SDCCAG8: variants seen among roughly 807,000 people sequenced by gnomAD.
SDCCAG8 encodes SHH signaling and ciliogenesis regulator SDCCAG8, also known as serologically defined colon cancer antigen 8.
SDCCAG8 carries 74 observed loss-of-function variants against 101.8 expected under a neutral mutation model. The observed-to-expected ratio is 0.73, with a 90% confidence interval of 0.60 to 0.88. SDCCAG8 has a LOEUF of 0.88. Ranked by LOEUF, SDCCAG8 falls within the 40% of genes least tolerant of loss-of-function variation. The pLI, the probability that SDCCAG8 is intolerant of heterozygous loss-of-function variation, is 0.00. For synonymous variants in SDCCAG8, 281 were observed against 292.9 expected (o/e 0.96, Z 0.41); for missense variants, 787 against 822.6 (o/e 0.96, Z 0.53).
chr1:243,342,372 C>T (rs1314001628), intron 11 of SDCCAG8, among the ~76,000 whole-genome samples: 1 of 152,168 alleles, frequency 6.6e-6, no homozygotes, highest in Non-Finnish European at 1.5e-5. Context: ...GTGGAGATAA[C>T]ATAGTTCTGG....
intron 16 of SDCCAG8, among the ~76,000 whole-genome samples, chr1:243,488,760 C>T (rs1212814383): frequency 1.3e-5 from 2 of 152,162 alleles, no homozygotes; most frequent in South Asian, 2.1e-4. Context: ...TCTACTTACC[C>T]CACTTATCTG....
At chr1:243,326,478 AAAT>A (rs1296357423) in intron 9 of SDCCAG8, among the ~76,000 whole-genome samples, 2 of 152,234 alleles carry the variant, frequency 1.3e-5, no homozygotes, top group Non-Finnish European at 2.9e-5. Flanking sequence ...CAAGGATAGA[AAAT>A]AACGCTTCTT....
chr1:243,385,179 C>T lies in SDCCAG8; in HGVS notation c.1616+6316C>T, dbSNP rs116055387. On this transcript the variant is annotated intron_variant, in intron 13 of 17. Coordinates refer to ENST00000366541, the MANE Select transcript of SDCCAG8 (RefSeq NM_006642.5). ...TGAGGCGGGCAGGTCACTTGAGCCCCAGGAGTTTGAGACCAGCCTGGGCAA... is the reference window on the plus strand; with the variant it reads ...TGAGGCGGGCAGGTCACTTGAGCCCTAGGAGTTTGAGACCAGCCTGGGCAA... Among the ~76,000 whole-genome samples, 825 of 151,966 alleles carry T rather than the reference C, an allele frequency of 5.4e-3. 13 individuals are homozygous for T. Among genetic ancestry groups the T allele is most frequent in the African/African-American group, 0.018 (754 of 41,432 alleles).
intron 15 of SDCCAG8, among the ~76,000 whole-genome samples, chr1:243,422,145 T>C (rs1328209030): frequency 6.6e-6 from 1 of 152,192 alleles, no homozygotes; most frequent in Admixed American, 6.5e-5. Context: ...TTTGCTTCTT[T>C]CTTTTCTGTC....
chr1:243,377,923 T>G (rs1408872059), intron 12 of SDCCAG8, among the ~76,000 whole-genome samples: 1 of 151,008 alleles, frequency 6.6e-6, no homozygotes, highest in African/African-American at 2.4e-5. Context: ...TATTGATAAA[T>G]AAATATTTCT....
At chr1:243,324,581 C>T (rs1037298728) in intron 9 of SDCCAG8, among the ~76,000 whole-genome samples, 2 of 151,670 alleles carry the variant, frequency 1.3e-5, no homozygotes, top group Non-Finnish European at 2.9e-5. Flanking sequence ...TCCTTAGCCC[C>T]GCAAAGTGCT....
chr1:243,389,149 C>T (rs1279284038), intron 13 of SDCCAG8, among the ~76,000 whole-genome samples: 1 of 144,818 alleles, frequency 6.9e-6, no homozygotes, highest in South Asian at 2.3e-4. Flanking sequence ...TCTGTCCCCC[C>T]TCCCCCCCCC....
At chr1:243,406,102 T>G (rs1489597503) in intron 13 of SDCCAG8, among the ~76,000 whole-genome samples, 1 of 152,198 alleles carries the variant, frequency 6.6e-6, no homozygotes. Flanking sequence ...TCAAGTGATA[T>G]TTTTCAGAGA....
chr1:243,274,619 A>C lies in SDCCAG8; in HGVS notation c.383A>C (p.Tyr128Ser). 1 of 1,610,134 alleles carries C rather than the reference A, an allele frequency of 6.2e-7. No individual in the cohort carries two copies. Among genetic ancestry groups the C allele is most frequent in the Non-Finnish European group, 8.5e-7 (1 of 1,176,886 alleles). The change falls in exon 4 of 18, where the codon TAT becomes TCT. Residue 128 changes from tyrosine (Y) to serine (S), a missense_variant. Coordinates refer to ENST00000366541, the MANE Select transcript of SDCCAG8 (RefSeq NM_006642.5). ...CATACTATTAATGACCAGTCTCAAT[A>C]TATTCATCATTTAGAGGCAGAAGTT... ...LVHTINDQSQ[Y>S]IHHLEAEVKF...
intron 16 of SDCCAG8, among the ~76,000 whole-genome samples, chr1:243,484,862 C>G (rs112280924): frequency 0.014 from 2,108 of 151,948 alleles, 25 homozygotes; most frequent in African/African-American, 0.03. Context: ...TGGCCAACAT[C>G]GTGAAACCCC....
chr1:243,285,794 C>T (rs191958290), intron 4 of SDCCAG8, among the ~76,000 whole-genome samples: 16 of 152,292 alleles, frequency 1.1e-4, no homozygotes, highest in African/African-American at 3.8e-4. Context: ...AAATGTTTTA[C>T]TACAATTCTC....
chr1:243,325,491 C>T (rs574196043), intron 9 of SDCCAG8, among the ~76,000 whole-genome samples: 5 of 151,080 alleles, frequency 3.3e-5, no homozygotes, highest in South Asian at 2.1e-4. Context: ...AGTTCCTTGA[C>T]GTTTGTTGCC....
chr1:243,267,936 G>C (rs1180314388), intron 1 of SDCCAG8: 1 of 808,792 alleles, frequency 1.2e-6, no homozygotes, highest in Non-Finnish European at 2.3e-6. Flanking sequence ...GGGCCCAGCT[G>C]TGTATTATAT....
In SDCCAG8 at chr1:243,446,750, A is replaced by G. The variant is rs1458286834; in HGVS notation, c.1985+20192A>G. Among the ~76,000 whole-genome samples, 4 of 152,094 alleles carry G rather than the reference A, an allele frequency of 2.6e-5. No individual in the cohort carries two copies. In the East Asian group the frequency reaches 5.8e-4, roughly 22 times the overall value. On this transcript the variant is annotated intron_variant, in intron 16 of 17. Coordinates refer to ENST00000366541, the MANE Select transcript of SDCCAG8 (RefSeq NM_006642.5). ...CTACTTGGCAATAAAAGCATCGGCCACTGTTCAGCCTGGAGAATATACCTC... is the reference window on the plus strand; with the variant it reads ...CTACTTGGCAATAAAAGCATCGGCCGCTGTTCAGCCTGGAGAATATACCTC...
chr1:243,356,258 A>G (rs1386890114), intron 12 of SDCCAG8, among the ~76,000 whole-genome samples: 1 of 152,196 alleles, frequency 6.6e-6, no homozygotes, highest in Non-Finnish European at 1.5e-5. Flanking sequence ...CTATAACCTT[A>G]CTGTGACTTA....
intron 8 of SDCCAG8, among the ~76,000 whole-genome samples, chr1:243,315,998 T>C (rs1256370051): frequency 6.6e-6 from 1 of 152,246 alleles, no homozygotes; most frequent in Non-Finnish European, 1.5e-5. Flanking sequence ...ATGGGACTTA[T>C]TTAATCAATG....
intron 13 of SDCCAG8, among the ~76,000 whole-genome samples, chr1:243,394,048 C>T (rs1340120622): frequency 2.0e-5 from 3 of 152,256 alleles, no homozygotes; most frequent in South Asian, 4.1e-4. Flanking sequence ...ATTAAGTAGT[C>T]GTGGTTCTTG....
At chr1:243,257,182 A>G (rs962440139) in intron 1 of SDCCAG8, among the ~76,000 whole-genome samples, 1 of 152,252 alleles carries the variant, frequency 6.6e-6, no homozygotes, top group Non-Finnish European at 1.5e-5. Flanking sequence ...TAAATTTTAT[A>G]TGGGACATAT....
chr1:243,258,358 A>G (rs934235517), intron 1 of SDCCAG8, among the ~76,000 whole-genome samples: 5 of 152,234 alleles, frequency 3.3e-5, no homozygotes, highest in African/African-American at 1.2e-4. Flanking sequence ...TCTGAACTTA[A>G]GTACAGTCAG....
Sources: allele counts gnomAD v4.1 joint callset (sites outside exome capture counted in the v4.1 genomes callset), GRCh38; gene constraint gnomAD v4.1.1; transcripts MANE v1.5; gene names NCBI Gene and HGNC (gene_info 2026-07-23, HGNC 2026-07-21).